The following KIFC3 variants were observed in gnomAD, a reference collection of about 807,000 sequenced individuals.
KIFC3 encodes kinesin family member C3, also known as kinesin-like protein KIFC3.
In KIFC3, 60 loss-of-function variants were observed where a neutral mutation model predicts 101.8. The observed-to-expected ratio is 0.59, with a 90% CI of 0.48 to 0.73. KIFC3 has a LOEUF of 0.73. Among genes scored for constraint, KIFC3 ranks in the 30% least tolerant of loss-of-function variants. The pLI is 0.00. For missense variants in KIFC3, 966 were observed against 1,137.1 expected (o/e 0.85, Z 2.16); for synonymous variants, 476 against 482.7 (o/e 0.99, Z 0.18).
At chr16:57,788,848 G>T in intron 3 of KIFC3, 1 of 772,372 alleles carries the variant, frequency 1.3e-6, no homozygotes. Context: ...CTTTGTGGGT[G>T]GGTGGGGACG....
At chr16:57,797,902 GCGAGACTGACGCTCCGGCTCCACGCCCGC>G (rs2054469271) in intron 2 of KIFC3, 141 bp downstream of exon 2, 1 of 1,484,812 alleles carries the variant, frequency 6.7e-7, no homozygotes, top group African/African-American at 1.4e-5. Flanking sequence ...GGAGCGCCCG[GCGAGACTGACGCTCCGGCTCCACGCCCGC>G]CTGGCTCTGG....
intron 1 of KIFC3, among the ~76,000 whole-genome samples, chr16:57,834,019 C>A (rs1203035539): frequency 6.6e-6 from 1 of 151,758 alleles, no homozygotes; most frequent in Non-Finnish European, 1.5e-5. Flanking sequence ...CGTGCCACCA[C>A]GCCCGGCTAC....
At chr16:57,762,081 A>C in intron 13 of KIFC3, 59 bp downstream of exon 13, 2 of 1,497,940 alleles carry the variant, frequency 1.3e-6, no homozygotes, top group East Asian at 2.3e-5. Context: ...TTCCAGCACC[A>C]CCCCGGAGGA....
At chr16:57,834,661 G>A (rs782161790) in intron 1 of KIFC3, among the ~76,000 whole-genome samples, 6 of 152,078 alleles carry the variant, frequency 3.9e-5, no homozygotes, top group African/African-American at 7.2e-5. Flanking sequence ...ATAGGCACAC[G>A]TCACAAGTCC....
intron 11 of KIFC3, among the ~76,000 whole-genome samples, chr16:57,765,180 A>C (rs376164705): frequency 1.3e-4 from 20 of 151,772 alleles, no homozygotes; most frequent in African/African-American, 4.6e-4. Context: ...GGGCGGGGCC[A>C]CACGGTAGAA....
upstream of KIFC3, among the ~76,000 whole-genome samples, chr16:57,804,810 G>C (rs2054895321): frequency 6.6e-6 from 1 of 151,420 alleles, no homozygotes; most frequent in Non-Finnish European, 1.5e-5. Context: ...GCCCAGGCTG[G>C]TCTCAAACTC....
Position 57,764,259 on chromosome 16 carries a change from G to T in KIFC3, c.1513-12C>A. ...ACCTCCTGGAACACCTGGGAGGGTG[G>T]TGGGAGGGAGGCTGGTGGGGGGGCT... On this transcript the variant is annotated splice_polypyrimidine_tract_variant and intron_variant, in intron 11 of 19. Coordinates refer to ENST00000445690, the MANE Select transcript of KIFC3 (RefSeq NM_001130100.2). The T allele has an allele frequency of 2.7e-6, 4 of 1,508,984 alleles. No homozygotes were observed. Among genetic ancestry groups the T allele is most frequent in the Non-Finnish European group, 3.6e-6 (4 of 1,097,184 alleles). 93.5% of individuals were successfully genotyped at this position (1,508,984 alleles called of 1,614,324 possible).
At chr16:57,787,309 C>G (rs2053436284) in intron 3 of KIFC3, among the ~76,000 whole-genome samples, 1 of 152,178 alleles carries the variant, frequency 6.6e-6, no homozygotes, top group Non-Finnish European at 1.5e-5. Context: ...CCGAAAGGAG[C>G]CCAGCACCAT....
At chr16:57,760,081 C>G (rs1225450409) in intron 17 of KIFC3, 14 of 685,976 alleles carry the variant, frequency 2.0e-5, no homozygotes, top group Non-Finnish European at 3.2e-5. Flanking sequence ...CTCGTCACCC[C>G]ACAGGAACCT....
rs1392472073 is a variant in KIFC3 at position 57,802,259 on chromosome 16, G to C, written c.-40+111C>G. On this transcript the variant is annotated intron_variant, in intron 1 of 19. Transcript: ENST00000445690. This position sits in a 1 kb window ranked among gnomAD's most constrained non-coding sequence, Gnocchi z 5.0. The stretch of plus-strand genomic sequence containing the variant: ...CCCTCCCCGCGCCCATAGCGGGTCC[G>C]GGCAGAGGGGTCCCGAGGGCAGGGC... 2 of 512,958 alleles carry C rather than the reference G, an allele frequency of 3.9e-6. No homozygotes were observed. The highest frequency in any genetic ancestry group is 5.0e-6 in the Non-Finnish European group (2 of 398,248). The allele number at this position is 512,958 out of a possible 1,614,324, so 31.8% of individuals were successfully genotyped here.
rs1555598761 is a variant in KIFC3, at chr16:57,762,238, C to G, written c.1650G>C (p.Arg550=). ...CCTCGGAGAAGAGCAGCTGCAGGGC[C>G]CGCTGGTTGATACCTGGGTTCTCAG... ...GTAENPGINQ[R]ALQLLFSEVQ... is the part of the protein sequence containing the mutation. The change falls in exon 13 of 20, where the codon CGG becomes CGC. Residue 550 remains arginine, a synonymous_variant. Coordinates refer to ENST00000445690, the MANE Select transcript of KIFC3 (RefSeq NM_001130100.2). 1 of 1,594,964 alleles carries G rather than the reference C, an allele frequency of 6.3e-7. No homozygotes were observed. The highest frequency in any genetic ancestry group is 8.5e-7 in the Non-Finnish European group (1 of 1,171,978).
intron 1 of KIFC3, among the ~76,000 whole-genome samples, chr16:57,809,963 G>T (rs961915708): frequency 1.3e-5 from 2 of 152,134 alleles, no homozygotes; most frequent in African/African-American, 4.8e-5. Flanking sequence ...TGCTGGGCCA[G>T]GCCAGGTGGG....
Position 57,783,326 on chromosome 16 carries a change from G to A in KIFC3, c.316-11038C>T, listed in dbSNP as rs199762635. 2.2e-4 allele frequency among the ~76,000 whole-genome samples: 34 copies of A among 152,246 alleles called. No individual in the cohort carries two copies. The East Asian group carries it at 4.4e-3, about 20-fold the overall frequency. On this transcript the variant is annotated intron_variant, in intron 3 of 19. Transcript: ENST00000445690. ...GGAGTGACCATCAATAGGCCTGTTG[G>A]AGTGATGAAGACGTTTGGCAATGAG...
At chr16:57,861,845 A>T (rs1256501833) in intron 1 of KIFC3, among the ~76,000 whole-genome samples, 1 of 152,152 alleles carries the variant, frequency 6.6e-6, no homozygotes, top group African/African-American at 2.4e-5. Flanking sequence ...GCTACTTGGG[A>T]GGCTGTGGCA....
At chr16:57,854,204 A>C (rs2056117331) in intron 1 of KIFC3, among the ~76,000 whole-genome samples, 1 of 152,128 alleles carries the variant, frequency 6.6e-6, no homozygotes, top group Non-Finnish European at 1.5e-5. Context: ...ACCCTCCCAA[A>C]GTGCTGGGAT....
intron 2 of KIFC3, among the ~76,000 whole-genome samples, chr16:57,796,999 T>C (rs2149211129): frequency 6.6e-6 from 1 of 152,336 alleles, no homozygotes; most frequent in African/African-American, 2.4e-5. Context: ...CCCAGGCTTT[T>C]CCCCAGGCCC....
chr16:57,796,807 T>A (rs1213915563), intron 2 of KIFC3, among the ~76,000 whole-genome samples: 1 of 152,208 alleles, frequency 6.6e-6, no homozygotes, highest in Non-Finnish European at 1.5e-5. Flanking sequence ...AGTGACTAAC[T>A]TGTGATTTTT....
intron 2 of KIFC3, chr16:57,797,804 A>C (rs2149216503): frequency 1.5e-6 from 2 of 1,370,526 alleles, no homozygotes; most frequent in East Asian, 3.1e-5. Context: ...GAGGGAATGC[A>C]GCTGATTCCC....
Position 57,760,474 on chromosome 16 carries a change from C to T in KIFC3, c.2233-58G>A, listed in dbSNP as rs1337492096. Reference sequence around the variant, plus strand: ...GCCAGCTGGAGGGGCAACAGGGTCACGAGAGGGAGCTCACAGCTGGGGCCG... The same window carrying T: ...GCCAGCTGGAGGGGCAACAGGGTCATGAGAGGGAGCTCACAGCTGGGGCCG... On this transcript the variant is annotated intron_variant, in intron 16 of 19. Coordinates refer to ENST00000445690, the MANE Select transcript of KIFC3 (RefSeq NM_001130100.2). 1.5e-5 allele frequency: 23 copies of T among 1,581,290 alleles called. No homozygotes were observed. In the East Asian group the frequency reaches 2.0e-4, roughly 14 times the overall value.
Sources: gnomAD v4.1 joint callset for allele counts (sites outside exome capture counted in the v4.1 genomes callset) on GRCh38, gnomAD v4.1.1 for gene constraint, Gnocchi (gnomAD v3.1) non-coding constraint, MANE v1.5 for transcripts, NCBI Gene and HGNC (gene_info 2026-07-23, HGNC 2026-07-21) for gene names.